The following MYO3A variants were observed in gnomAD, a reference collection of about 807,000 sequenced individuals.
MYO3A encodes the protein myosin-IIIa.
MYO3A carries 180 observed loss-of-function variants against 192.7 expected under a neutral mutation model. The ratio of observed to expected loss-of-function variants is 0.93; its 90% CI spans 0.83 to 1.06. The LOEUF (loss-of-function observed/expected upper bound fraction) is 1.06, where lower values mean the gene tolerates loss of function less well. Ranked by LOEUF, MYO3A falls within the 50% of genes least tolerant of loss-of-function variation. The pLI is 0.00. For synonymous variants in MYO3A, 628 were observed against 645.3 expected (o/e 0.97, Z 0.41); for missense variants, 1,896 against 1,905.0 (o/e 1.00, Z 0.09).
chr10:26,070,210 G>C lies in MYO3A; in HGVS notation c.1270G>C (p.Asp424His), dbSNP rs1367136195. Residue 424 changes from aspartate (D) to histidine (H), a missense_variant, in exon 13 of 35, where the codon GAT becomes CAT. By Grantham distance (81) the Asp-to-His change is moderately conservative. Transcript: ENST00000642920. Reference sequence around the variant, plus strand: ...TCAATCTATGATAACATATAATTCAGATCAGGTAAGAAGAGTCTCCCATTC... The same window carrying C: ...TCAATCTATGATAACATATAATTCACATCAGGTAAGAAGAGTCTCCCATTC... ...GYQSMITYNSDQCIVISGESG... is the reference protein window; with the variant it reads ...GYQSMITYNSHQCIVISGESG... 6.2e-7 allele frequency: 1 copy of C among 1,607,488 alleles called. No homozygotes were observed. Among genetic ancestry groups the C allele is most frequent in the Non-Finnish European group, 8.5e-7 (1 of 1,174,254 alleles).
chr10:26,019,683 A>G (rs1382977648), intron 7 of MYO3A, among the ~76,000 whole-genome samples: 1 of 152,148 alleles, frequency 6.6e-6, no homozygotes, highest in Admixed American at 6.6e-5. Flanking sequence ...ACCTAGTGTA[A>G]TGTTTTCAGG....
At chr10:25,959,231 G>C (rs1837762862) in intron 4 of MYO3A, among the ~76,000 whole-genome samples, 1 of 151,934 alleles carries the variant, frequency 6.6e-6, no homozygotes, top group Admixed American at 6.6e-5. Context: ...TTTTTTGTAT[G>C]TTTAAATTTG....
At chr10:26,118,878 C>T (rs575613698) in intron 17 of MYO3A, among the ~76,000 whole-genome samples, 16 of 152,030 alleles carry the variant, frequency 1.1e-4, no homozygotes, top group African/African-American at 2.2e-4. Context: ...GTGATCTGCC[C>T]GCCTCGGCCT....
chr10:25,947,389 CTTT>C (rs869281200), intron 2 of MYO3A, among the ~76,000 whole-genome samples: 2 of 91,846 alleles, frequency 2.2e-5, no homozygotes, highest in African/African-American at 8.5e-5. Context: ...TTTTCTTTTT[CTTT>C]TTTTTTTTTT....
In MYO3A at chr10:26,022,073, T is replaced by C; in HGVS notation, c.731+425T>C. ...TTTAAAATAATATTATTAAGAAAAT[T>C]ATATATAAAATTTATCCAGAAAATA... is the stretch of plus-strand genomic sequence containing the variant. On this transcript the variant is annotated intron_variant, in intron 8 of 34. Transcript: ENST00000642920. 1.3e-5 allele frequency: 2 copies of C among 153,290 alleles called. 1 individual carries two copies. Among genetic ancestry groups the C allele is most frequent in the Admixed American group, 1.3e-4 (2 of 15,408 alleles). The allele number at this position is 153,290 out of a possible 1,614,324, so 9.5% of individuals were successfully genotyped here.
In MYO3A at chr10:25,952,911, G is replaced by A. The variant is rs1287765164; in HGVS notation, c.168+633G>A. 2.0e-5 allele frequency among the ~76,000 whole-genome samples: 3 copies of A among 149,420 alleles called. No individual in the cohort carries two copies. The East Asian group carries it at 5.9e-4, about 29-fold the overall frequency. ...TTTTTTTAAGTAGCAGTTGTGATAA[G>A]CGAAACTGCCAAACCTTTTCTCTGT... is the stretch of plus-strand genomic sequence containing the variant. On this transcript the variant is annotated intron_variant, in intron 3 of 34. Coordinates refer to ENST00000642920, the MANE Select transcript of MYO3A (RefSeq NM_017433.5).
intron 4 of MYO3A, among the ~76,000 whole-genome samples, chr10:25,959,494 C>T (rs1222502045): frequency 6.6e-6 from 1 of 152,116 alleles, no homozygotes; most frequent in Non-Finnish European, 1.5e-5. Flanking sequence ...TACACTGCCT[C>T]ATTTAGTAAT....
intron 14 of MYO3A, among the ~76,000 whole-genome samples, chr10:26,086,367 G>T (rs1303246736): frequency 3.9e-5 from 6 of 152,060 alleles, no homozygotes; most frequent in African/African-American, 1.2e-4. Context: ...TGACACGTGG[G>T]GATTACAATT....
intron 31 of MYO3A, among the ~76,000 whole-genome samples, chr10:26,179,128 C>T (rs1490020504): frequency 2.9e-5 from 2 of 69,902 alleles, no homozygotes; most frequent in African/African-American, 1.2e-4. Context: ...GACGGAGTTT[C>T]ACTCTTGTTG....
chr10:25,942,656 AT>A (rs1236333106), intron 2 of MYO3A, among the ~76,000 whole-genome samples: 1 of 152,162 alleles, frequency 6.6e-6, no homozygotes, highest in African/African-American at 2.4e-5. Context: ...ATGAAGTGGT[AT>A]TGCATTGTGA....
intron 23 of MYO3A, among the ~76,000 whole-genome samples, chr10:26,148,916 G>C (rs1840628055): frequency 6.6e-6 from 1 of 151,960 alleles, no homozygotes; most frequent in African/African-American, 2.4e-5. Context: ...TGATCATGTT[G>C]TCTGTGAAGA....
At chr10:25,949,022 A>G (rs758804052) in intron 2 of MYO3A, among the ~76,000 whole-genome samples, 2 of 152,172 alleles carry the variant, frequency 1.3e-5, no homozygotes, top group Non-Finnish European at 2.9e-5. Flanking sequence ...TGTCAGCTCA[A>G]ATCTTTTCCT....
chr10:26,020,276 G>A (rs1169441613), intron 7 of MYO3A, among the ~76,000 whole-genome samples: 2 of 152,074 alleles, frequency 1.3e-5, no homozygotes, highest in Non-Finnish European at 2.9e-5. Flanking sequence ...GTTTATCATT[G>A]CCTTCTTTTT....
intron 4 of MYO3A, among the ~76,000 whole-genome samples, chr10:25,988,337 A>G (rs1839783252): frequency 6.6e-6 from 1 of 152,198 alleles, no homozygotes; most frequent in East Asian, 1.9e-4. Flanking sequence ...ACCAAACACT[A>G]CCTGTTCCCT....
At chr10:26,056,414 A>G (rs746597790) in intron 10 of MYO3A, among the ~76,000 whole-genome samples, 46 of 152,246 alleles carry the variant, frequency 3.0e-4, no homozygotes, top group Non-Finnish European at 6.2e-4. Context: ...TATTTTAAGC[A>G]ACAATGACTG....
In MYO3A at chr10:26,174,640, G is replaced by A. The variant is rs3758448; in HGVS notation, c.4293+83G>A. The A allele has an allele frequency of 0.34, 395,967 of 1,167,296 alleles. 69,534 individuals carry two copies. The highest frequency in any genetic ancestry group is 0.42 in the Middle Eastern group (1,606 of 3,820). 72.3% of individuals were successfully genotyped at this position (1,167,296 alleles called of 1,614,324 possible). ...TGAATTAAACACATAATTAATAACT[G>A]GTAGATTGTTTTATCTGCGTTGATG... On this transcript the variant is annotated intron_variant, in intron 30 of 34. Transcript: ENST00000642920.
chr10:26,159,363 C>CA (rs1485306063), intron 26 of MYO3A, among the ~76,000 whole-genome samples: 1 of 128,304 alleles, frequency 7.8e-6, no homozygotes, highest in African/African-American at 2.9e-5. Context: ...TTTTCTTTTT[C>CA]TTTTTTTTTT....
chr10:26,166,177 AAGT>A lies in MYO3A; in HGVS notation c.3111+1_3111+3del. 1.2e-6 allele frequency: 2 copies of A among 1,602,786 alleles called. No homozygotes were observed. The highest frequency in any genetic ancestry group is 1.7e-6 in the Non-Finnish European group (2 of 1,169,998). ...GATAACTGGGCTCTTGGAAAAACAA[AAGT>A]AATGTTTTCATGTAATTTTCAGGAA... On this transcript the variant is annotated splice_donor_variant and coding_sequence_variant, in exon 27 of 35. Coordinates refer to ENST00000642920, the MANE Select transcript of MYO3A (RefSeq NM_017433.5). LOFTEE classifies it high-confidence loss of function.
At chr10:26,081,586 C>A (rs1174362037) in intron 14 of MYO3A, among the ~76,000 whole-genome samples, 1 of 152,160 alleles carries the variant, frequency 6.6e-6, no homozygotes, top group Non-Finnish European at 1.5e-5. Context: ...AGACTTCTCG[C>A]CCCATTCAAA....
Sources: allele counts gnomAD v4.1 joint callset (sites outside exome capture counted in the v4.1 genomes callset), GRCh38; gene constraint gnomAD v4.1.1; transcripts MANE v1.5; gene names NCBI Gene and HGNC (gene_info 2026-07-23, HGNC 2026-07-21).